Variants in VWA5A observed in about 807,000 individuals in gnomAD.
The protein encoded by VWA5A is von Willebrand factor A domain-containing protein 5A.
VWA5A carries 77 observed loss-of-function variants against 84.6 expected under a neutral mutation model. The observed-to-expected ratio is 0.91, with a 90% confidence interval of 0.76 to 1.10. The LOEUF (loss-of-function observed/expected upper bound fraction) is 1.10. VWA5A is among the 50% of genes least tolerant of loss of function. The pLI, the probability that VWA5A is intolerant of heterozygous loss-of-function variation, is 0.00. For missense variants in VWA5A, 973 were observed against 963.0 expected, an observed-to-expected ratio of 1.01 and a Z score of -0.14; for synonymous variants, 334 against 350.1, an observed-to-expected ratio of 0.95 and a Z score of 0.51.
At chr11:124,141,785 T>A (rs368108008) in intron 16 of VWA5A, 44 bp downstream of exon 16, 3 of 1,605,522 alleles carry the variant, frequency 1.9e-6, no homozygotes, top group Non-Finnish European at 2.6e-6. Context: ...TGTTTTTCTG[T>A]CACATATACA....
At position 124,136,537 on chromosome 11, in the gene VWA5A, A is replaced by G. The variant is rs753795649; in HGVS notation, c.1525-37A>G. On this transcript the variant is annotated intron_variant, in intron 13 of 18. Coordinates refer to ENST00000456829, the MANE Select transcript of VWA5A (RefSeq NM_001130142.2). ...TCCTTCCATGGATGATCAGAACATT[A>G]CATGTTCCGTCATTTCTACTCATCT... is the stretch of plus-strand genomic sequence containing the variant. 1.3e-5 allele frequency: 21 copies of G among 1,577,440 alleles called. No homozygotes were observed. The South Asian group carries it at 2.3e-4, about 17-fold the overall frequency.
Position 124,117,759 on chromosome 11 carries a change from A to G in VWA5A, c.130A>G (p.Lys44Glu), listed in dbSNP as rs768518727. ...SATLNYENEE[K>E]VPLEAFFVFP... ...AACTTTGAACTACGAGAATGAGGAG[A>G]AAGTTCCTTTGGAGGCCTTCTTTGT... Residue 44 changes from lysine (K) to glutamate (E), a missense_variant, in exon 4 of 19, where the codon AAA (lysine) becomes GAA (glutamate). Transcript: ENST00000456829. The G allele has an allele frequency of 2.5e-6, 4 of 1,614,150 alleles. No individual in the cohort carries two copies. The Admixed American group carries it at 5.0e-5, about 20-fold the overall frequency.
At chr11:124,141,256 A>G (rs900511734) in intron 15 of VWA5A, among the ~76,000 whole-genome samples, 1 of 152,220 alleles carries the variant, frequency 6.6e-6, no homozygotes, top group Non-Finnish European at 1.5e-5. Context: ...AGTGTGGTAC[A>G]TTGAGCAACA....
chr11:124,142,675 G>A lies in VWA5A; in HGVS notation c.2154+103G>A. ...TACCTGAGGAAGGAAAATATAGGGG[G>A]TCATAGACTAAATTAATTTGTAATA... is the stretch of plus-strand genomic sequence containing the variant. On this transcript the variant is annotated intron_variant, in intron 17 of 18. Transcript: ENST00000456829. 2.1e-6 allele frequency: 3 copies of A among 1,436,902 alleles called. No homozygotes were observed. The South Asian group carries it at 4.1e-5, about 20-fold the overall frequency. 89.0% of individuals were successfully genotyped at this position (1,436,902 alleles called of 1,614,324 possible). A position where few individuals can be genotyped will look rare whatever the true frequency, so the allele number is the denominator to read the frequency against.
At chr11:124,128,362 A>G in intron 11 of VWA5A, among the ~76,000 whole-genome samples, 1 of 152,032 alleles carries the variant, frequency 6.6e-6, no homozygotes, top group East Asian at 1.9e-4. Flanking sequence ...GTTCTGTACC[A>G]TTGGTCTATA....
At chr11:124,119,173 C>A in intron 7 of VWA5A, 84 bp downstream of exon 7, 1 of 1,274,928 alleles carries the variant, frequency 7.8e-7, no homozygotes, top group Non-Finnish European at 1.1e-6. Context: ...TCTTTTCTTT[C>A]CTTCCCTCCA....
intron 11 of VWA5A, among the ~76,000 whole-genome samples, chr11:124,125,968 C>A (rs986995389): frequency 6.6e-6 from 1 of 152,212 alleles, no homozygotes; most frequent in South Asian, 2.1e-4. Context: ...ATCAAATTGA[C>A]CCTATTCCAT....
intron 18 of VWA5A, 112 bp downstream of exon 18, chr11:124,145,475 C>T: frequency 8.7e-6 from 12 of 1,376,706 alleles, no homozygotes; most frequent in Non-Finnish European, 9.6e-6. Flanking sequence ...CAGATCTTTA[C>T]TAATCTTTCT....
chr11:124,118,844 G>A, intron 6 of VWA5A, 131 bp from the exon 7 acceptor site: 4 of 1,350,734 alleles, frequency 3.0e-6, no homozygotes, highest in Non-Finnish European at 4.1e-6. Flanking sequence ...TTAATCTCCA[G>A]AGCCTTCTCT....
At chr11:124,138,681 A>G (rs948796097) in intron 15 of VWA5A, among the ~76,000 whole-genome samples, 1 of 152,168 alleles carries the variant, frequency 6.6e-6, no homozygotes, top group Non-Finnish European at 1.5e-5. Flanking sequence ...TACTTTGTAT[A>G]TATTAAACCC....
At chr11:124,123,156 GGTCACATGCT>G (rs774780348) in intron 8 of VWA5A, 27 bp downstream of exon 8, 1 of 1,600,682 alleles carries the variant, frequency 6.2e-7, no homozygotes, top group Non-Finnish European at 8.5e-7. Context: ...TCCTCTTCTG[GGTCACATGCT>G]CAAGTGAGGA....
chr11:124,122,916 T>G, intron 7 of VWA5A, 44 bp from the exon 8 acceptor site: 20 of 1,567,512 alleles, frequency 1.3e-5, no homozygotes, highest in Non-Finnish European at 1.6e-5. Context: ...CTAGGATTCT[T>G]GAGTTCCTTT....
intron 12 of VWA5A, among the ~76,000 whole-genome samples, chr11:124,135,507 C>T (rs1207606688): frequency 2.7e-5 from 4 of 150,542 alleles, no homozygotes; most frequent in Non-Finnish European, 3.0e-5. Context: ...GGAGAAGACC[C>T]CTCTGGTGGT....
intron 15 of VWA5A, among the ~76,000 whole-genome samples, chr11:124,141,173 G>A (rs1860721284): frequency 6.6e-6 from 1 of 152,182 alleles, no homozygotes; most frequent in Non-Finnish European, 1.5e-5. Flanking sequence ...ACATGTGGAA[G>A]GTAAACCGCA....
chr11:124,120,709 C>T (rs1434772062), intron 7 of VWA5A, among the ~76,000 whole-genome samples: 1 of 152,138 alleles, frequency 6.6e-6, no homozygotes, highest in Admixed American at 6.5e-5. Flanking sequence ...TGTCTTTGTA[C>T]GTTAGTTATC....
chr11:124,135,522 C>CCTTTTTTT (rs1330618929), intron 12 of VWA5A, among the ~76,000 whole-genome samples: 2 of 84,344 alleles, frequency 2.4e-5, no homozygotes, highest in Non-Finnish European at 2.2e-5. Context: ...GGTGGTATTT[C>CCTTTTTTT]TTTTTTTTTT....
In VWA5A at chr11:124,145,906, C is replaced by T. The variant is rs779961083; in HGVS notation, c.2322C>T (p.Phe774=). The T allele has an allele frequency of 1.1e-5, 18 of 1,589,140 alleles. No individual in the cohort carries two copies. The African/African-American group carries it at 2.1e-4, about 19-fold the overall frequency. The change falls in exon 19 of 19, where the codon TTC becomes TTT. Residue 774 remains phenylalanine (F), a synonymous_variant. Transcript: ENST00000456829. Reference sequence around the variant, plus strand: ...CGGTTGTGAAAGCTGCTATTACTTTCCTGAAGTCATCTGTGGATCCTGCTA... The same window carrying T: ...CGGTTGTGAAAGCTGCTATTACTTTTCTGAAGTCATCTGTGGATCCTGCTA... ...MPSVVKAAIT[F]LKSSVDPAIF...
chr11:124,136,738 T>TTCCTTCCTTCCTTCCTTCCG, intron 14 of VWA5A, 64 bp downstream of exon 14: 1 of 1,276,576 alleles, frequency 7.8e-7, no homozygotes. Flanking sequence ...CCTTCCTTCC[T>TTCCTTCCTTCCTTCCTTCCG]TCCTTCCTTC....
chr11:124,129,393 G>A (rs1277692686), intron 11 of VWA5A, among the ~76,000 whole-genome samples: 1 of 152,152 alleles, frequency 6.6e-6, no homozygotes, highest in African/African-American at 2.4e-5. Flanking sequence ...GTATTTTATT[G>A]AGGATTTTCA....
Sources: allele counts gnomAD v4.1 joint callset (sites outside exome capture counted in the v4.1 genomes callset), GRCh38; gene constraint gnomAD v4.1.1; transcripts MANE v1.5; gene names NCBI Gene and HGNC (gene_info 2026-07-23, HGNC 2026-07-21).